The following RP1 variants were observed in gnomAD, a reference collection of about 807,000 sequenced individuals.
RP1 encodes the protein RP1 axonemal microtubule associated, also known as oxygen-regulated protein 1.
A neutral mutation model predicts 14.8 loss-of-function variants in RP1; 16 were observed. The ratio of observed to expected loss-of-function variants is 1.08; its 90% CI spans 0.73 to 1.65. RP1 has a LOEUF of 1.65. RP1 is among the 40% of genes most tolerant of loss of function. The probability of loss-of-function intolerance (pLI) is 0.00; values close to 1 mark genes in which losing one functional copy is unlikely to be tolerated. For synonymous variants in RP1, 876 were observed against 883.6 expected (o/e 0.99, Z 0.15); for missense variants, 2,631 against 2,535.0 (o/e 1.04, Z -0.81).
At chr8:54,817,742 C>T (rs947819582) in intron 24 of RP1, among the ~76,000 whole-genome samples, 1 of 152,136 alleles carries the variant, frequency 6.6e-6, no homozygotes, top group Admixed American at 6.5e-5. Flanking sequence ...TAGAACACCT[C>T]ATTATTCCAT....
intron 13 of RP1, chr8:54,699,609 A>G: frequency 3.1e-6 from 3 of 953,542 alleles, no homozygotes; most frequent in Non-Finnish European, 4.3e-6. Flanking sequence ...TATCAATAGT[A>G]TTATGTCTGT....
At position 54,629,992 on chromosome 8, in the gene RP1, T is replaced by C. The variant is rs777037136; in HGVS notation, c.6110T>C (p.Leu2037Ser). Reference protein sequence around the residue: ...DLKERFCMNFLHTSLLVVGNV... With the variant: ...DLKERFCMNFSHTSLLVVGNV... ...AAGGAAAGGTTTTGTATGAATTTCT[T>C]GCACACATCATTGTTAGTTGTGGGT... Residue 2037 changes from leucine to serine, a missense_variant, in exon 4 of 4, where the codon TTG (leucine) becomes TCG (serine). Transcript: ENST00000220676. 3.7e-6 allele frequency: 6 copies of C among 1,613,942 alleles called. No homozygotes were observed. The Admixed American group carries it at 8.3e-5, about 22-fold the overall frequency.
chr8:54,756,074 C>G (rs1389348868), intron 21 of RP1, among the ~76,000 whole-genome samples: 1 of 152,134 alleles, frequency 6.6e-6, no homozygotes, highest in Non-Finnish European at 1.5e-5. Context: ...AATGTGCTCT[C>G]TCAGGCTTGA....
At chr8:54,570,178 A>G (rs6980623) in intron 1 of RP1, among the ~76,000 whole-genome samples, 42,692 of 151,956 alleles carry the variant, frequency 0.28, 6,555 homozygotes, top group African/African-American at 0.41. Flanking sequence ...GGAAAACCCA[A>G]CTGCCCAGAA....
At chr8:54,808,572 G>A (rs1005266046) in intron 24 of RP1, among the ~76,000 whole-genome samples, 1 of 152,230 alleles carries the variant, frequency 6.6e-6, no homozygotes, top group African/African-American at 2.4e-5. Flanking sequence ...TACCCAGCTA[G>A]TTGTTACAGA....
intron 25 of RP1, among the ~76,000 whole-genome samples, chr8:54,845,277 C>T (rs771467522): frequency 2.0e-5 from 3 of 152,274 alleles, no homozygotes; most frequent in South Asian, 2.1e-4. Context: ...GAGGAGCAGC[C>T]GCTGCCTTCT....
intron 1 of RP1, among the ~76,000 whole-genome samples, chr8:54,590,441 T>A (rs1357285453): frequency 1.3e-5 from 2 of 152,146 alleles, no homozygotes; most frequent in Non-Finnish European, 2.9e-5. Flanking sequence ...GTGATTTATA[T>A]ACCCAATCAG....
At chr8:54,814,604 C>A (rs978723740) in intron 24 of RP1, among the ~76,000 whole-genome samples, 1 of 152,166 alleles carries the variant, frequency 6.6e-6, no homozygotes, top group Admixed American at 6.5e-5. Context: ...AGAATTTAGT[C>A]TCCCAATTTG....
chr8:54,798,175 G>T (rs932703420), intron 24 of RP1, among the ~76,000 whole-genome samples: 2 of 151,876 alleles, frequency 1.3e-5, no homozygotes, highest in African/African-American at 4.8e-5. Flanking sequence ...CACCACGCCC[G>T]GCTAAGTTTT....
chr8:54,754,636 A>G (rs971518754), intron 19 of RP1, among the ~76,000 whole-genome samples: 1 of 152,202 alleles, frequency 6.6e-6, no homozygotes, highest in Non-Finnish European at 1.5e-5. Flanking sequence ...CAAAATGGCA[A>G]TTACTTTTGC....
intron 3 of RP1, among the ~76,000 whole-genome samples, chr8:54,645,434 G>A (rs182030689): frequency 6.4e-4 from 98 of 152,190 alleles, no homozygotes; most frequent in Admixed American, 6.0e-3. Flanking sequence ...CTATCTCATT[G>A]TGGTTTTAGC....
intron 27 of RP1, among the ~76,000 whole-genome samples, chr8:54,863,448 A>G (rs1470628841): frequency 2.6e-5 from 4 of 152,188 alleles, no homozygotes; most frequent in Admixed American, 2.0e-4. Context: ...CCTGATGTTA[A>G]TGACTACAGT....
At chr8:54,653,494 G>GA (rs1563338632) in intron 5 of RP1, among the ~76,000 whole-genome samples, 1 of 152,128 alleles carries the variant, frequency 6.6e-6, no homozygotes, top group Non-Finnish European at 1.5e-5. Context: ...AAAATGTGCA[G>GA]AAAATCTAGT....
intron 24 of RP1, among the ~76,000 whole-genome samples, chr8:54,827,082 C>A (rs1049569859): frequency 1.3e-4 from 20 of 152,098 alleles, no homozygotes; most frequent in African/African-American, 4.6e-4. Context: ...ATAAATGGAG[C>A]TTGCAGGACT....
intron 27 of RP1, among the ~76,000 whole-genome samples, chr8:54,862,931 G>T (rs1271493406): frequency 6.6e-6 from 1 of 151,660 alleles, no homozygotes; most frequent in Non-Finnish European, 1.5e-5. Context: ...ATTTTTAATG[G>T]CTGAAATTCT....
chr8:54,717,174 A>G (rs936942635), intron 15 of RP1, among the ~76,000 whole-genome samples: 6 of 152,120 alleles, frequency 3.9e-5, no homozygotes, highest in Non-Finnish European at 7.4e-5. Flanking sequence ...TCTTTTGTCA[A>G]CCATTTTCTC....
At chr8:54,711,870 A>G (rs973603268) in intron 15 of RP1, among the ~76,000 whole-genome samples, 1 of 152,312 alleles carries the variant, frequency 6.6e-6, no homozygotes, top group South Asian at 2.1e-4. Context: ...ATTCACTTCA[A>G]TAAGTTCTGT....
intron 7 of RP1, chr8:54,663,859 A>G: frequency 6.6e-7 from 1 of 1,513,390 alleles, no homozygotes; most frequent in South Asian, 1.3e-5. Context: ...AAGTAAGCAA[A>G]ATGCCCTTTG....
intron 1 of RP1, among the ~76,000 whole-genome samples, chr8:54,582,574 A>C (rs1319502072): frequency 6.6e-6 from 1 of 152,070 alleles, no homozygotes; most frequent in African/African-American, 2.4e-5. Context: ...ATGGCATTGA[A>C]TCTATAAATT....
Sources: gnomAD v4.1 joint callset for allele counts (sites outside exome capture counted in the v4.1 genomes callset) on GRCh38, gnomAD v4.1.1 for gene constraint, MANE v1.5 for transcripts, NCBI Gene and HGNC (gene_info 2026-07-23, HGNC 2026-07-21) for gene names.